The following FRMD3 variants were observed in gnomAD, a reference collection of about 807,000 sequenced individuals.
FRMD3 encodes the protein FERM domain containing 3.
Under a neutral mutation model 70.2 loss-of-function variants are expected in FRMD3, and 33 were observed. That is an observed-to-expected ratio of 0.47 (90% CI 0.36 to 0.63). FRMD3 has a LOEUF of 0.63. Among genes scored for constraint, FRMD3 ranks in the 20% least tolerant of loss-of-function variants. The pLI, the probability that FRMD3 is intolerant of heterozygous loss-of-function variation, is 0.00. For synonymous variants in FRMD3, 279 were observed against 255.9 expected, an observed-to-expected ratio of 1.09 and a Z score of -0.86; for missense variants, 632 against 711.4, an observed-to-expected ratio of 0.89 and a Z score of 1.27.
chr9:83,504,028 C>T (rs895213823), intron 1 of FRMD3, among the ~76,000 whole-genome samples: 1 of 152,148 alleles, frequency 6.6e-6, no homozygotes, highest in Non-Finnish European at 1.5e-5. Context: ...CACTCCGCAT[C>T]CTGCTGCAGT....
At chr9:83,506,357 T>C (rs1829181720) in intron 1 of FRMD3, among the ~76,000 whole-genome samples, 1 of 152,206 alleles carries the variant, frequency 6.6e-6, no homozygotes, top group African/African-American at 2.4e-5. Context: ...TGTTAGGCAA[T>C]TTCATTGTAC....
chr9:83,381,588 G>A (rs1825357202), intron 2 of FRMD3, among the ~76,000 whole-genome samples: 1 of 151,916 alleles, frequency 6.6e-6, no homozygotes, highest in South Asian at 2.1e-4. Flanking sequence ...AATCTTCATT[G>A]TTTCACTGTA....
rs148045308 is a variant in FRMD3 at position 83,352,343 on chromosome 9, C to T, written c.296-2586G>A. Among the ~76,000 whole-genome samples the T allele has an allele frequency of 2.3e-3, 347 of 152,324 alleles. 2 individuals carry two copies. Among genetic ancestry groups the T allele is most frequent in the Non-Finnish European group, 3.5e-3 (236 of 68,024 alleles). On this transcript the variant is annotated intron_variant, in intron 3 of 13. Transcript: ENST00000304195. ...GAAGATCACAGAAAATGGCCCCAAA[C>T]GAGAGCTGTCCTTTCTCTCCTTCCT...
At chr9:83,270,230 C>T (rs1030864977) in intron 13 of FRMD3, among the ~76,000 whole-genome samples, 2 of 152,190 alleles carry the variant, frequency 1.3e-5, no homozygotes, top group African/African-American at 4.8e-5. Flanking sequence ...CCAAAGAAAG[C>T]AGAAGATGTG....
rs956133322 is a variant in FRMD3, at chr9:83,322,371, C to T, written c.597-8624G>A. 2.0e-5 allele frequency among the ~76,000 whole-genome samples: 3 copies of T among 152,156 alleles called. No homozygotes were observed. In the South Asian group the frequency reaches 6.2e-4, roughly 32 times the overall value. On this transcript the variant is annotated intron_variant, in intron 6 of 13. Transcript: ENST00000304195. ...GAGGGTGGGATCTCTCCCAGGCAAG[C>T]AGTGTGGACGAGAAGCTGTGGAGAG... is the stretch of plus-strand genomic sequence containing the variant.
intron 12 of FRMD3, among the ~76,000 whole-genome samples, chr9:83,298,216 G>A (rs1834756288): frequency 6.6e-6 from 1 of 152,210 alleles, no homozygotes; most frequent in African/African-American, 2.4e-5. Context: ...TTGTGGTAGT[G>A]TGAAGTCCAA....
chr9:83,396,973 A>G (rs1041452669), intron 1 of FRMD3, among the ~76,000 whole-genome samples: 4 of 152,210 alleles, frequency 2.6e-5, no homozygotes, highest in African/African-American at 9.6e-5. Flanking sequence ...GGAGCAGTCC[A>G]TTGACTCTAC....
chr9:83,576,787 A>G, the FRMD3 span, among the ~76,000 whole-genome samples: 8 of 152,114 alleles, frequency 5.3e-5, no homozygotes, highest in African/African-American at 1.9e-4. Flanking sequence ...AAGGGCACCC[A>G]GATTGGAAAT....
At chr9:83,367,916 T>C (rs1328406613) in intron 3 of FRMD3, among the ~76,000 whole-genome samples, 2 of 152,162 alleles carry the variant, frequency 1.3e-5, no homozygotes, top group African/African-American at 4.8e-5. Flanking sequence ...CTTCTCCCTC[T>C]TTTTTTCCTC....
At chr9:83,342,895 C>T (rs1444845300) in intron 5 of FRMD3, among the ~76,000 whole-genome samples, 1 of 152,168 alleles carries the variant, frequency 6.6e-6, no homozygotes, top group East Asian at 1.9e-4. Context: ...CTTATAAACC[C>T]ACCCATTCCA....
intron 1 of FRMD3, among the ~76,000 whole-genome samples, chr9:83,470,704 C>A (rs577318611): frequency 6.6e-6 from 1 of 152,190 alleles, no homozygotes; most frequent in African/African-American, 2.4e-5. Context: ...AATACACAAG[C>A]TAATCTGGTA....
At chr9:83,528,894 T>C (rs1482932335) in intron 1 of FRMD3, among the ~76,000 whole-genome samples, 1 of 152,186 alleles carries the variant, frequency 6.6e-6, no homozygotes, top group Non-Finnish European at 1.5e-5. Context: ...TTGTTTATAT[T>C]ATATATAGAC....
At chr9:83,532,138 G>A (rs1438479241) in intron 1 of FRMD3, among the ~76,000 whole-genome samples, 1 of 152,174 alleles carries the variant, frequency 6.6e-6, no homozygotes, top group African/African-American at 2.4e-5. Flanking sequence ...GTCCATGAGG[G>A]CTATGTTATT....
At chr9:83,297,796 C>G (rs942429271) in intron 12 of FRMD3, 1 of 471,830 alleles carries the variant, frequency 2.1e-6, no homozygotes, top group Non-Finnish European at 4.4e-6. Context: ...AAAGCAGGAA[C>G]AAATTTTCTT....
chr9:83,535,451 G>C (rs1395696169), intron 1 of FRMD3, among the ~76,000 whole-genome samples: 1 of 152,104 alleles, frequency 6.6e-6, no homozygotes, highest in African/African-American at 2.4e-5. Context: ...TCCATAGGCA[G>C]CACTCCTGTA....
chr9:83,461,264 G>A (rs11140108), intron 1 of FRMD3, among the ~76,000 whole-genome samples: 24,251 of 152,122 alleles, frequency 0.16, 1,960 homozygotes, highest in East Asian at 0.2. Context: ...TGAAGATGGA[G>A]GCAGGGGCCA....
At chr9:83,304,736 T>G (rs1318907840) in intron 10 of FRMD3, among the ~76,000 whole-genome samples, 1 of 152,212 alleles carries the variant, frequency 6.6e-6, no homozygotes, top group African/African-American at 2.4e-5. Context: ...AGTGAGCCAC[T>G]GAATCCCTCA....
chr9:83,375,890 T>G (rs1244709916), intron 2 of FRMD3, among the ~76,000 whole-genome samples: 1 of 152,160 alleles, frequency 6.6e-6, no homozygotes, highest in African/African-American at 2.4e-5. Flanking sequence ...CCGGGCGCAG[T>G]GGCTCACACC....
the FRMD3 span, among the ~76,000 whole-genome samples, chr9:83,568,761 ATAAG>A: frequency 6.6e-6 from 1 of 152,190 alleles, no homozygotes; most frequent in Non-Finnish European, 1.5e-5. Flanking sequence ...ATATTTAATA[ATAAG>A]TAAGAGTAAA....
Sources: gnomAD v4.1 joint callset for allele counts (sites outside exome capture counted in the v4.1 genomes callset) on GRCh38, gnomAD v4.1.1 for gene constraint, MANE v1.5 for transcripts, NCBI Gene and HGNC (gene_info 2026-07-23, HGNC 2026-07-21) for gene names.